Variants in MROH9 observed in about 807,000 individuals in gnomAD.
The protein encoded by MROH9 is maestro heat like repeat family member 9.
MROH9 carries 92 observed loss-of-function variants against 98.2 expected under a neutral mutation model. The ratio of observed to expected loss-of-function variants is 0.94; its 90% confidence interval spans 0.79 to 1.11. The LOEUF is 1.11. MROH9 is among the 50% of genes most tolerant of loss of function. The pLI is 0.00. For missense variants in MROH9, 1,057 were observed against 1,014.8 expected (o/e 1.04, Z -0.57); for synonymous variants, 397 against 368.9 (o/e 1.08, Z -0.87).
intron 16 of MROH9, 120 bp downstream of exon 16, chr1:171,014,374 A>G (rs1652261137): frequency 3.5e-6 from 3 of 866,144 alleles, no homozygotes; most frequent in Non-Finnish European, 5.0e-6. Flanking sequence ...TAACTAAAAC[A>G]TATCAAAGCC....
At position 171,033,872 on chromosome 1, in the gene MROH9, T is replaced by A. The variant is rs555413699; in HGVS notation, c.2281+8452T>A. 6.0e-4 allele frequency among the ~76,000 whole-genome samples: 91 copies of A among 152,250 alleles called. 1 individual carries two copies. The highest frequency in any genetic ancestry group is 2.1e-3 in the African/African-American group (86 of 41,552). ...ACAACAGAGCAAAAGTCTTCAAATATATAATTTAAGAAATAAAGATGACTT... is the reference window on the plus strand; with the variant it reads ...ACAACAGAGCAAAAGTCTTCAAATAAATAATTTAAGAAATAAAGATGACTT... On this transcript the variant is annotated intron_variant, in intron 20 of 21. Transcript: ENST00000367759.
intron 12 of MROH9, 95 bp downstream of exon 12, chr1:170,992,424 A>G: frequency 9.2e-6 from 12 of 1,299,072 alleles, no homozygotes; most frequent in Non-Finnish European, 1.2e-5. Context: ...CTTTCTTAAC[A>G]CAGTCCTCTT....
At chr1:170,947,837 T>C (rs1649392797) in intron 3 of MROH9, among the ~76,000 whole-genome samples, 1 of 151,988 alleles carries the variant, frequency 6.6e-6, no homozygotes, top group African/African-American at 2.4e-5. Context: ...TCCTACTATT[T>C]ATCCCACCCA....
chr1:170,957,787 A>ATTTTTTTTTTTTTTTTTTTT (rs1372647484), intron 3 of MROH9, among the ~76,000 whole-genome samples: 1 of 128,002 alleles, frequency 7.8e-6, no homozygotes, highest in Non-Finnish European at 1.7e-5. Flanking sequence ...CCCTGCTGGC[A>ATTTTTTTTTTTTTTTTTTTT]TTTTTTTGTT....
chr1:171,052,803 G>T (rs1232830263), intron 20 of MROH9, among the ~76,000 whole-genome samples: 1 of 152,176 alleles, frequency 6.6e-6, no homozygotes, highest in African/African-American at 2.4e-5. Flanking sequence ...AAGGGGTGGT[G>T]CAGGCTCCTA....
intron 15 of MROH9, chr1:170,998,528 A>T (rs1651671169): frequency 7.0e-7 from 1 of 1,425,898 alleles, no homozygotes; most frequent in South Asian, 1.5e-5. Flanking sequence ...ACAAAAACTA[A>T]TTATTTTTTA....
intron 20 of MROH9, among the ~76,000 whole-genome samples, chr1:171,044,686 C>G (rs997219923): frequency 6.6e-6 from 1 of 151,974 alleles, no homozygotes; most frequent in Non-Finnish European, 1.5e-5. Flanking sequence ...CTGGTTCAAT[C>G]TTGGTAGGTT....
chr1:170,976,004 T>A (rs1358291463), intron 8 of MROH9, among the ~76,000 whole-genome samples: 1 of 152,170 alleles, frequency 6.6e-6, no homozygotes, highest in Non-Finnish European at 1.5e-5. Context: ...ATTTGCTTGG[T>A]AGGTTTTTCT....
chr1:170,984,140 G>T (rs1651036704), intron 9 of MROH9, among the ~76,000 whole-genome samples: 1 of 152,146 alleles, frequency 6.6e-6, no homozygotes, highest in Non-Finnish European at 1.5e-5. Flanking sequence ...CAGCATTGGG[G>T]CCCAGGTTGG....
intron 9 of MROH9, among the ~76,000 whole-genome samples, chr1:170,986,179 T>C (rs1193788615): frequency 1.3e-5 from 2 of 152,192 alleles, no homozygotes; most frequent in Non-Finnish European, 2.9e-5. Context: ...GGAAAGTCCA[T>C]GCCTTTGATT....
At position 171,014,124 on chromosome 1, in the gene MROH9, A is replaced by G. The variant is rs1652250249; in HGVS notation, c.1604A>G (p.Asn535Ser). The G allele has an allele frequency of 6.5e-7, 1 of 1,550,286 alleles. No individual in the cohort carries two copies. The highest frequency in any genetic ancestry group is 1.8e-4 in the Middle Eastern group (1 of 5,584). ...IVLIFLTELL[N>S]NFFKDPLPEE... ...TTAACTATTTTCTTTCAGCTTCTGA[A>G]TAACTTCTTCAAGGACCCTTTACCA... The change falls in exon 16 of 22, where the codon AAT becomes AGT. Residue 535 changes from asparagine (N) to serine (S), a missense_variant. Coordinates refer to ENST00000367759, the MANE Select transcript of MROH9 (RefSeq NM_001163629.2).
At chr1:170,975,909 CTT>C (rs890362393) in intron 8 of MROH9, among the ~76,000 whole-genome samples, 1 of 152,060 alleles carries the variant, frequency 6.6e-6, no homozygotes, top group African/African-American at 2.4e-5. Flanking sequence ...TGTAAATGCC[CTT>C]TTTTGTCTTT....
At chr1:170,979,047 G>A (rs1650826164) in intron 8 of MROH9, among the ~76,000 whole-genome samples, 1 of 152,170 alleles carries the variant, frequency 6.6e-6, no homozygotes, top group Non-Finnish European at 1.5e-5. Context: ...GCATTTTGTA[G>A]CAATAAAATG....
chr1:171,015,004 T>C (rs971549643), intron 16 of MROH9: 2 of 471,782 alleles, frequency 4.2e-6, no homozygotes, highest in African/African-American at 4.0e-5. Flanking sequence ...ACTTCTTACC[T>C]TCCAGGTCGA....
chr1:171,057,187 C>T (rs1306380939), intron 20 of MROH9, among the ~76,000 whole-genome samples: 1 of 152,160 alleles, frequency 6.6e-6, no homozygotes, highest in East Asian at 1.9e-4. Flanking sequence ...GGATTATGTT[C>T]TAACCCAATG....
Position 171,009,287 on chromosome 1 carries a change from G to C in MROH9, c.1597-4830G>C, listed in dbSNP as rs116571927. Among the ~76,000 whole-genome samples the C allele has an allele frequency of 5.7e-3, 862 of 152,106 alleles. 7 individuals are homozygous for C. Among genetic ancestry groups the C allele is most frequent in the African/African-American group, 0.02 (830 of 41,550 alleles). ...TAAACTGATGCAAATGAATTTATTT[G>C]TATAGCAAATTAATAACCACACAGA... is the stretch of plus-strand genomic sequence containing the variant. On this transcript the variant is annotated intron_variant, in intron 15 of 21. Coordinates refer to ENST00000367759, the MANE Select transcript of MROH9 (RefSeq NM_001163629.2).
intron 20 of MROH9, among the ~76,000 whole-genome samples, chr1:171,046,325 G>C (rs1182016684): frequency 2.0e-5 from 3 of 152,034 alleles, no homozygotes; most frequent in Non-Finnish European, 4.4e-5. Flanking sequence ...ACTTACTCCT[G>C]TCATTTTATT....
In MROH9 at chr1:171,024,560, ATCT is replaced by A. The variant is rs1315300097; in HGVS notation, c.2061+18_2061+20del. The A allele has an allele frequency of 7.9e-6, 12 of 1,524,784 alleles. No homozygotes were observed. In the Admixed American group the frequency reaches 1.1e-4, roughly 14 times the overall value. 94.5% of individuals were successfully genotyped at this position (1,524,784 alleles called of 1,614,324 possible). ...AAGAGTAGCTGAAGTAAGTCATTTG[ATCT>A]TCTTTTTCATAAATTTACCAAGGAT... On this transcript the variant is annotated intron_variant, in intron 18 of 21. Coordinates refer to ENST00000367759, the MANE Select transcript of MROH9 (RefSeq NM_001163629.2).
intron 3 of MROH9, among the ~76,000 whole-genome samples, chr1:170,955,506 G>A (rs1005015792): frequency 5.9e-5 from 9 of 152,090 alleles, no homozygotes; most frequent in African/African-American, 1.4e-4. Context: ...TTTGATTACC[G>A]TCATTCTTGC....
Sources: allele counts gnomAD v4.1 joint callset (sites outside exome capture counted in the v4.1 genomes callset), GRCh38; gene constraint gnomAD v4.1.1; transcripts MANE v1.5; gene names NCBI Gene and HGNC (gene_info 2026-07-23, HGNC 2026-07-21).